The following CSMD1 variants were observed in gnomAD, a reference collection of about 807,000 sequenced individuals.
The protein encoded by CSMD1 is CUB and Sushi multiple domains 1.
CSMD1 carries 213 observed loss-of-function variants against 417.5 expected under a neutral mutation model. That is an observed-to-expected ratio of 0.51 (90% CI 0.46 to 0.57). The LOEUF (loss-of-function observed/expected upper bound fraction) is 0.57, where lower values mean the gene tolerates loss of function less well. Among genes scored for constraint, CSMD1 ranks in the 20% least tolerant of loss-of-function variants. The pLI is 0.00. For missense variants in CSMD1, 6,923 were observed against 4,529.7 expected (o/e 1.53, Z -15.17); for synonymous variants, 2,862 against 1,736.8 (o/e 1.65, Z -16.11).
rs74323064 is a variant in CSMD1 at position 3,893,532 on chromosome 8, T to C, written c.818+104371A>G. Reference sequence around the variant, plus strand: ...TTGTTTTACAAATTAAATTTATAAATATTATGAAACCAAAGGCAAACGCCA... The same window carrying C: ...TTGTTTTACAAATTAAATTTATAAACATTATGAAACCAAAGGCAAACGCCA... On this transcript the variant is annotated intron_variant, in intron 5 of 69. Transcript: ENST00000635120. Among the ~76,000 whole-genome samples the C allele has an allele frequency of 2.6e-3, 394 of 151,748 alleles. 2 individuals carry two copies. The highest frequency in any genetic ancestry group is 0.017 in the Middle Eastern group (5 of 294).
intron 3 of CSMD1, among the ~76,000 whole-genome samples, chr8:4,307,103 C>G (rs929932265): frequency 5.3e-5 from 8 of 152,226 alleles, no homozygotes; most frequent in South Asian, 2.1e-4. Flanking sequence ...TGTTTTATCT[C>G]TACAAGGCCG....
At chr8:3,511,408 T>C (rs1488288108) in intron 10 of CSMD1, among the ~76,000 whole-genome samples, 2 of 151,766 alleles carry the variant, frequency 1.3e-5, no homozygotes, top group Non-Finnish European at 2.9e-5. Context: ...TGGCATGTTA[T>C]AGATTTGGAA....
chr8:3,761,909 G>T (rs769245956), intron 5 of CSMD1, among the ~76,000 whole-genome samples: 1 of 151,964 alleles, frequency 6.6e-6, no homozygotes, highest in African/African-American at 2.4e-5. Context: ...TTCTCCCTCT[G>T]GCTCTCTTTT....
intron 3 of CSMD1, among the ~76,000 whole-genome samples, chr8:4,202,692 G>A (rs577540226): frequency 2.0e-5 from 3 of 152,272 alleles, no homozygotes; most frequent in Non-Finnish European, 4.4e-5. Flanking sequence ...GTGAAAGAGG[G>A]AGAACCACAC....
At chr8:4,654,940 C>T (rs539444369) in intron 1 of CSMD1, among the ~76,000 whole-genome samples, 2 of 151,600 alleles carry the variant, frequency 1.3e-5, no homozygotes, top group African/African-American at 2.4e-5. Context: ...CAGGTATCCC[C>T]CAAATCTAAA....
intron 3 of CSMD1, among the ~76,000 whole-genome samples, chr8:4,210,100 AGC>A (rs2131283777): frequency 1.3e-5 from 2 of 152,150 alleles, no homozygotes; most frequent in East Asian, 3.9e-4. Flanking sequence ...GTACCAGGAG[AGC>A]TCCTGATCAT....
rs1798306440 is a variant in CSMD1, at chr8:3,538,612, C to G, written c.1344+36333G>C. Among the ~76,000 whole-genome samples, 3 of 152,248 alleles carry G rather than the reference C, an allele frequency of 2.0e-5. No homozygotes were observed. In the South Asian group the frequency reaches 6.2e-4, roughly 31 times the overall value. On this transcript the variant is annotated intron_variant, in intron 10 of 69. Coordinates refer to ENST00000635120, the MANE Select transcript of CSMD1 (RefSeq NM_033225.6). ...TGTGCCCACAAAAGTGAGCCCCATT[C>G]CCCACCACTCAACAAAGGTATAGAG...
chr8:3,575,935 A>G (rs1043065843), intron 9 of CSMD1, among the ~76,000 whole-genome samples: 6 of 152,142 alleles, frequency 3.9e-5, no homozygotes, highest in East Asian at 3.9e-4. Context: ...ACTGGGTTTC[A>G]GAAAGGAGCA....
intron 3 of CSMD1, among the ~76,000 whole-genome samples, chr8:4,344,488 T>C (rs1157228042): frequency 6.6e-6 from 1 of 151,670 alleles, no homozygotes; most frequent in Non-Finnish European, 1.5e-5. Flanking sequence ...TATCTCTCAA[T>C]CTATTTTTTC....
At chr8:4,188,147 C>T (rs1260882071) in intron 3 of CSMD1, among the ~76,000 whole-genome samples, 2 of 152,062 alleles carry the variant, frequency 1.3e-5, no homozygotes, top group Non-Finnish European at 2.9e-5. Context: ...CACACACATC[C>T]TAACGTATTT....
chr8:3,849,412 G>T (rs994009481), intron 5 of CSMD1, among the ~76,000 whole-genome samples: 1 of 152,148 alleles, frequency 6.6e-6, no homozygotes, highest in Non-Finnish European at 1.5e-5. Flanking sequence ...ACGAAAGGGA[G>T]TCCTTGCTTA....
Position 4,191,007 on chromosome 8 carries a change from T to C in CSMD1, c.416-158908A>G, listed in dbSNP as rs565070602. 7.9e-5 allele frequency among the ~76,000 whole-genome samples: 12 copies of C among 152,182 alleles called. 1 individual carries two copies. Among genetic ancestry groups the C allele is most frequent in the African/African-American group, 2.2e-4 (9 of 41,498 alleles). On this transcript the variant is annotated intron_variant, in intron 3 of 69. Coordinates refer to ENST00000635120, the MANE Select transcript of CSMD1 (RefSeq NM_033225.6). ...GACAAATGGATACTAGACTTAGTAC[T>C]TGAGTGATGAAGTCATCTGTGCAAC... is the stretch of plus-strand genomic sequence containing the variant.
At chr8:4,604,868 T>C (rs2617100) in intron 2 of CSMD1, among the ~76,000 whole-genome samples, 6 of 152,058 alleles carry the variant, frequency 3.9e-5, no homozygotes, top group Admixed American at 2.0e-4. Context: ...AAGGTAATTA[T>C]TGAAGATTTA....
chr8:3,489,022 T>C (rs1818218703), intron 11 of CSMD1, among the ~76,000 whole-genome samples: 1 of 152,206 alleles, frequency 6.6e-6, no homozygotes. Flanking sequence ...TGTTTAGTGA[T>C]TAACTCTGTG....
At chr8:3,866,533 G>C (rs757318534) in intron 5 of CSMD1, among the ~76,000 whole-genome samples, 1 of 152,098 alleles carries the variant, frequency 6.6e-6, no homozygotes, top group Non-Finnish European at 1.5e-5. Flanking sequence ...TAATGTGTAC[G>C]TTTTGGTCTT....
intron 4 of CSMD1, among the ~76,000 whole-genome samples, chr8:4,015,911 T>G (rs767770476): frequency 1.6e-4 from 24 of 152,190 alleles, no homozygotes; most frequent in Non-Finnish European, 3.1e-4. Flanking sequence ...AACAAACAAA[T>G]GGCAACAAAC....
intron 6 of CSMD1, among the ~76,000 whole-genome samples, chr8:3,736,391 T>A (rs1242236256): frequency 1.3e-5 from 2 of 151,682 alleles, no homozygotes; most frequent in African/African-American, 2.4e-5. Context: ...CAGGTGCAAA[T>A]CACCACCATG....
At chr8:3,523,753 GCACA>G (rs532963037) in intron 10 of CSMD1, among the ~76,000 whole-genome samples, 3 of 146,486 alleles carry the variant, frequency 2.0e-5, no homozygotes, top group Non-Finnish European at 3.0e-5. Context: ...GCATACACAT[GCACA>G]CACACATGCA....
intron 5 of CSMD1, among the ~76,000 whole-genome samples, chr8:3,916,780 G>A (rs1808858939): frequency 6.6e-6 from 1 of 152,022 alleles, no homozygotes; most frequent in Non-Finnish European, 1.5e-5. Context: ...TAATTGAGTG[G>A]CTCAATTTCA....
Sources: gnomAD v4.1 joint callset for allele counts (sites outside exome capture counted in the v4.1 genomes callset) on GRCh38, gnomAD v4.1.1 for gene constraint, MANE v1.5 for transcripts, NCBI Gene and HGNC (gene_info 2026-07-23, HGNC 2026-07-21) for gene names.